SEZ6L: variants seen among roughly 807,000 people sequenced by gnomAD.
SEZ6L encodes the protein seizure 6-like protein.
A neutral mutation model predicts 106.2 loss-of-function variants in SEZ6L; 37 were observed. That is an observed-to-expected ratio of 0.35 (90% confidence interval 0.27 to 0.46). The LOEUF is 0.46. Among genes scored for constraint, SEZ6L ranks in the 20% least tolerant of loss-of-function variants. SEZ6L has a pLI of 1.00. For missense variants in SEZ6L, 1,172 were observed against 1,332.8 expected, an observed-to-expected ratio of 0.88 and a Z score of 1.88; for synonymous variants, 541 against 570.4, an observed-to-expected ratio of 0.95 and a Z score of 0.73.
At chr22:26,305,920 C>T in intron 5 of SEZ6L, 59 bp from the exon 6 acceptor site, 1 of 1,457,060 alleles carries the variant, frequency 6.9e-7, no homozygotes, top group Non-Finnish European at 9.5e-7. Flanking sequence ...CTCTGTCTCT[C>T]TCCTCTCTCT....
intron 12 of SEZ6L, among the ~76,000 whole-genome samples, chr22:26,360,878 G>A (rs2083594477): frequency 1.4e-5 from 2 of 144,164 alleles, no homozygotes; most frequent in South Asian, 4.8e-4. Flanking sequence ...CAGAGTCTAC[G>A]GGCTGAAAAA....
intron 9 of SEZ6L, among the ~76,000 whole-genome samples, chr22:26,334,814 G>T (rs999738154): frequency 6.6e-6 from 1 of 152,198 alleles, no homozygotes; most frequent in Non-Finnish European, 1.5e-5. Context: ...AGTGGGCAGG[G>T]TCTGGTCTTG....
intron 1 of SEZ6L, among the ~76,000 whole-genome samples, chr22:26,183,659 G>A (rs1337260930): frequency 3.3e-5 from 5 of 152,236 alleles, no homozygotes; most frequent in Admixed American, 3.3e-4. Flanking sequence ...TGCTGAGAGC[G>A]ACGTTGCTGC....
chr22:26,194,899 C>G (rs974315418), intron 1 of SEZ6L, among the ~76,000 whole-genome samples: 1 of 152,154 alleles, frequency 6.6e-6, no homozygotes, highest in African/African-American at 2.4e-5. Context: ...TGGTGTAGTT[C>G]GAATTATCTT....
intron 11 of SEZ6L, among the ~76,000 whole-genome samples, chr22:26,348,646 A>AAGAAAGAGAAAG (rs1556371589): frequency 3.9e-4 from 3 of 7,694 alleles, no homozygotes; most frequent in African/African-American, 2.4e-3. Context: ...GAAAGAAAGA[A>AAGAAAGAGAAAG]AAAGAAAGAA....
chr22:26,202,326 C>T (rs914594272), intron 1 of SEZ6L, among the ~76,000 whole-genome samples: 3 of 152,138 alleles, frequency 2.0e-5, no homozygotes, highest in Admixed American at 6.5e-5. Context: ...GCTAGATGAT[C>T]CCATAGGAAA....
At chr22:26,228,945 G>A (rs1372533251) in intron 1 of SEZ6L, among the ~76,000 whole-genome samples, 6 of 152,192 alleles carry the variant, frequency 3.9e-5, no homozygotes, top group African/African-American at 9.7e-5. Context: ...TATGACCACC[G>A]TGTTGATTGT....
intron 1 of SEZ6L, among the ~76,000 whole-genome samples, chr22:26,201,686 G>A (rs1415477037): frequency 1.3e-5 from 2 of 152,148 alleles, no homozygotes; most frequent in South Asian, 2.1e-4. Context: ...CACTGCTTGT[G>A]ACAACTGCCT....
intron 1 of SEZ6L, among the ~76,000 whole-genome samples, chr22:26,287,598 T>G (rs2080978792): frequency 6.6e-6 from 1 of 152,142 alleles, no homozygotes; most frequent in Non-Finnish European, 1.5e-5. Context: ...TTTGTCCCCA[T>G]GATGTAAGTC....
At chr22:26,358,681 C>T (rs186307573) in intron 12 of SEZ6L, among the ~76,000 whole-genome samples, 4 of 152,214 alleles carry the variant, frequency 2.6e-5, no homozygotes, top group East Asian at 1.9e-4. Context: ...TGGGAGAGAA[C>T]GGCTGGAGTT....
chr22:26,274,815 G>A (rs1748895749), intron 1 of SEZ6L, among the ~76,000 whole-genome samples: 1 of 152,180 alleles, frequency 6.6e-6, no homozygotes, highest in South Asian at 2.1e-4. Flanking sequence ...TTGCAAACTA[G>A]GGAAACTCAC....
chr22:26,358,888 A>AG (rs2083523457), intron 12 of SEZ6L, among the ~76,000 whole-genome samples: 1 of 152,218 alleles, frequency 6.6e-6, no homozygotes, highest in Admixed American at 6.5e-5. Flanking sequence ...TCCAGTGCCC[A>AG]GGACAGCCCC....
chr22:26,217,224 A>T (rs1160298843), intron 1 of SEZ6L, among the ~76,000 whole-genome samples: 1 of 152,134 alleles, frequency 6.6e-6, no homozygotes, highest in Non-Finnish European at 1.5e-5. Flanking sequence ...TTCCCTTCCC[A>T]CCACCATAGT....
chr22:26,324,122 A>T (rs2082239758), intron 9 of SEZ6L, among the ~76,000 whole-genome samples: 1 of 151,518 alleles, frequency 6.6e-6, no homozygotes, highest in South Asian at 2.1e-4. Context: ...ACACACACAA[A>T]CGGTAGGGAA....
chr22:26,307,766 C>G (rs1352294062), intron 6 of SEZ6L, among the ~76,000 whole-genome samples: 1 of 152,182 alleles, frequency 6.6e-6, no homozygotes, highest in Non-Finnish European at 1.5e-5. Flanking sequence ...TCAGATCTGC[C>G]TCTTCTGAGG....
rs1236776046 is a variant in SEZ6L, at chr22:26,244,988, G to C, written c.95-47418G>C. On this transcript the variant is annotated intron_variant, in intron 1 of 16. Coordinates refer to ENST00000248933, the MANE Select transcript of SEZ6L (RefSeq NM_021115.5). ...CAGGGAAATGACATGATCTGAACTGGACAAGTAATAATTATTTGGGCAGCA... is the reference window on the plus strand; with the variant it reads ...CAGGGAAATGACATGATCTGAACTGCACAAGTAATAATTATTTGGGCAGCA... Among the ~76,000 whole-genome samples the C allele has an allele frequency of 2.6e-5, 4 of 152,180 alleles. No individual in the cohort carries two copies. In the South Asian group the frequency reaches 8.3e-4, roughly 32 times the overall value.
chr22:26,195,257 G>A lies in SEZ6L; in HGVS notation c.94+25494G>A, dbSNP rs565827346. On this transcript the variant is annotated intron_variant, in intron 1 of 16. Transcript: ENST00000248933. ...TTCCTTGTATGATAAAGCAAAGAGG[G>A]GGTGATGAAAGTGTGGTAAAACTCT... Among the ~76,000 whole-genome samples the A allele has an allele frequency of 8.5e-5, 13 of 152,280 alleles. No individual in the cohort carries two copies. In the South Asian group the frequency reaches 2.5e-3, roughly 29 times the overall value.
chr22:26,296,440 C>G (rs183087568), intron 3 of SEZ6L, among the ~76,000 whole-genome samples: 12 of 152,228 alleles, frequency 7.9e-5, no homozygotes, highest in African/African-American at 2.9e-4. Flanking sequence ...AAACATTGAA[C>G]AGCATGGAGA....
chr22:26,205,101 C>T (rs916612818), intron 1 of SEZ6L, among the ~76,000 whole-genome samples: 4 of 152,152 alleles, frequency 2.6e-5, no homozygotes. Flanking sequence ...GCAAATAAAT[C>T]TCAATGTCAA....
Sources: gnomAD v4.1 joint callset for allele counts (sites outside exome capture counted in the v4.1 genomes callset) on GRCh38, gnomAD v4.1.1 for gene constraint, MANE v1.5 for transcripts, NCBI Gene and HGNC (gene_info 2026-07-23, HGNC 2026-07-21) for gene names.